The following FNDC3B variants were observed in gnomAD, a reference collection of about 807,000 sequenced individuals.
FNDC3B encodes the protein fibronectin type III domain containing 3B, also known as fibronectin type III domain-containing protein 3B.
Under a neutral mutation model 151.5 loss-of-function variants are expected in FNDC3B, and 12 were observed. The ratio of observed to expected loss-of-function variants is 0.08; its 90% CI spans 0.05 to 0.13. FNDC3B has a LOEUF of 0.13. Among genes scored for constraint, FNDC3B ranks in the 10% least tolerant of loss-of-function variants. FNDC3B has a pLI of 1.00. For missense variants in FNDC3B, 1,214 were observed against 1,505.3 expected, an observed-to-expected ratio of 0.81 and a Z score of 3.20; for synonymous variants, 528 against 549.0, an observed-to-expected ratio of 0.96 and a Z score of 0.54.
At chr3:172,386,759 G>GAA (rs1233563821) in intron 25 of FNDC3B, among the ~76,000 whole-genome samples, 4 of 106,356 alleles carry the variant, frequency 3.8e-5, no homozygotes, top group Non-Finnish European at 6.1e-5. Context: ...AAAAAAAAAA[G>GAA]AAAAAAAAAA....
intron 1 of FNDC3B, among the ~76,000 whole-genome samples, chr3:172,088,179 G>A (rs1268079876): frequency 6.6e-6 from 1 of 152,114 alleles, no homozygotes; most frequent in Non-Finnish European, 1.5e-5. Flanking sequence ...GCTAAACAAG[G>A]TACTTTCTAG....
chr3:172,134,403 TG>T (rs1401733766), intron 3 of FNDC3B: 1 of 518,364 alleles, frequency 1.9e-6, no homozygotes, highest in Non-Finnish European at 3.9e-6. Context: ...TGACAGTGAC[TG>T]GGATTATGGG....
intron 3 of FNDC3B, among the ~76,000 whole-genome samples, chr3:172,160,771 G>T (rs1339970611): frequency 6.6e-6 from 1 of 152,186 alleles, no homozygotes; most frequent in Non-Finnish European, 1.5e-5. Flanking sequence ...TAAAGATGCT[G>T]CATAATAGCA....
intron 3 of FNDC3B, among the ~76,000 whole-genome samples, chr3:172,196,995 A>G (rs2108682235): frequency 6.6e-6 from 1 of 152,196 alleles, no homozygotes; most frequent in East Asian, 1.9e-4. Context: ...AGCCTGACCA[A>G]CATAGTGAAA....
chr3:172,082,685 C>T (rs1224810719), intron 1 of FNDC3B, among the ~76,000 whole-genome samples: 3 of 152,174 alleles, frequency 2.0e-5, no homozygotes, highest in Admixed American at 2.0e-4. Flanking sequence ...TCTGGTCTGG[C>T]CCTCTTGCTT....
chr3:172,286,020 T>G, intron 7 of FNDC3B, 36 bp downstream of exon 7: 1 of 1,512,114 alleles, frequency 6.6e-7, no homozygotes, highest in Non-Finnish European at 9.1e-7. Flanking sequence ...AAATGACACT[T>G]TTTAAAGTAT....
At chr3:172,377,204 A>G (rs1429413820) in intron 23 of FNDC3B, among the ~76,000 whole-genome samples, 18 of 152,212 alleles carry the variant, frequency 1.2e-4, no homozygotes, top group Admixed American at 1.0e-3. Context: ...AAGACAGTGG[A>G]TTGTCCTCAG....
chr3:172,108,988 TC>T (rs1456679717), intron 1 of FNDC3B, among the ~76,000 whole-genome samples: 1 of 152,148 alleles, frequency 6.6e-6, no homozygotes, highest in East Asian at 1.9e-4. Flanking sequence ...TCTCTTGCAT[TC>T]TAGGCAAATA....
Position 172,112,532 on chromosome 3 carries a change from T to C in FNDC3B, c.53T>C (p.Leu18Ser). The C allele has an allele frequency of 6.2e-7, 1 of 1,614,214 alleles. No homozygotes were observed. The highest frequency in any genetic ancestry group is 8.5e-7 in the Non-Finnish European group (1 of 1,180,020). Residue 18 changes from leucine to serine, a missense_variant, in exon 2 of 26, where the codon TTG becomes TCG. By Grantham distance (145) the Leu-to-Ser change is moderately radical. Transcript: ENST00000415807. ...TDQIPLELPP[L>S]LNGEVAMMPH... ...CAAATCCCTCTGGAACTGCCACCAT[T>C]GCTGAACGGAGAGGTAGCCATGATG... is the stretch of plus-strand genomic sequence containing the variant.
intron 7 of FNDC3B, among the ~76,000 whole-genome samples, chr3:172,288,482 G>A (rs547784558): frequency 3.0e-4 from 45 of 152,340 alleles, no homozygotes; most frequent in Non-Finnish European, 5.6e-4. Context: ...CCATATCAGC[G>A]TGGCTTAGAT....
intron 3 of FNDC3B, among the ~76,000 whole-genome samples, chr3:172,211,167 C>T: frequency 6.6e-6 from 1 of 151,366 alleles, no homozygotes; most frequent in East Asian, 1.9e-4. Context: ...TGACTCATAA[C>T]ATAAATGTAA....
intron 3 of FNDC3B, among the ~76,000 whole-genome samples, chr3:172,157,193 A>G (rs953998611): frequency 1.3e-5 from 2 of 152,336 alleles, no homozygotes; most frequent in Admixed American, 1.3e-4. Flanking sequence ...TATTTTAAAC[A>G]TGAAGAAACA....
At chr3:172,385,121 A>G (rs1735639632) in intron 25 of FNDC3B, among the ~76,000 whole-genome samples, 1 of 149,174 alleles carries the variant, frequency 6.7e-6, no homozygotes, top group African/African-American at 2.6e-5. Context: ...TAACTTAAAC[A>G]TGATGTTTTA....
At chr3:172,310,248 A>G (rs1282425583) in intron 10 of FNDC3B, among the ~76,000 whole-genome samples, 1 of 152,226 alleles carries the variant, frequency 6.6e-6, no homozygotes, top group Non-Finnish European at 1.5e-5. Flanking sequence ...TTAAGAGGAA[A>G]GCAAATGATG....
chr3:172,217,104 A>G (rs1726022224), intron 3 of FNDC3B, among the ~76,000 whole-genome samples: 1 of 152,084 alleles, frequency 6.6e-6, no homozygotes. Context: ...AAGAACAGAA[A>G]TGCTTGTTCT....
At chr3:172,053,776 CAAAAAAAAA>C (rs562005467) in intron 1 of FNDC3B, among the ~76,000 whole-genome samples, 10 of 113,374 alleles carry the variant, frequency 8.8e-5, no homozygotes, top group African/African-American at 2.8e-4. Context: ...AACTCCGTCT[CAAAAAAAAA>C]AAAAAAAAAA....
At chr3:172,330,254 A>G (rs1732575052) in intron 12 of FNDC3B, 2 of 273,978 alleles carry the variant, frequency 7.3e-6, no homozygotes, top group African/African-American at 2.2e-5. Context: ...TAATGCCCAC[A>G]CGTCACTTCA....
At chr3:172,347,709 G>A (rs1733677991) in intron 21 of FNDC3B, among the ~76,000 whole-genome samples, 2 of 152,276 alleles carry the variant, frequency 1.3e-5, no homozygotes, top group African/African-American at 4.8e-5. Context: ...CCCCTGAGAT[G>A]TACATTTCAG....
At chr3:172,333,989 G>A (rs1196489139) in intron 14 of FNDC3B, among the ~76,000 whole-genome samples, 1 of 151,582 alleles carries the variant, frequency 6.6e-6, no homozygotes, top group African/African-American at 2.4e-5. Context: ...ATGACTTTAC[G>A]ATCACTAAGA....
Sources: gnomAD v4.1 joint callset for allele counts (sites outside exome capture counted in the v4.1 genomes callset) on GRCh38, gnomAD v4.1.1 for gene constraint, MANE v1.5 for transcripts, NCBI Gene and HGNC (gene_info 2026-07-23, HGNC 2026-07-21) for gene names.